Variants in TOM1L1 observed in about 807,000 individuals in gnomAD.
The protein encoded by TOM1L1 is target of myb1 like 1 membrane trafficking protein.
Under a neutral mutation model 63.4 loss-of-function variants are expected in TOM1L1, and 64 were observed. That is an observed-to-expected ratio of 1.01 (90% CI 0.83 to 1.24). TOM1L1 has a LOEUF of 1.24. Among genes scored for constraint, TOM1L1 ranks in the 50% most tolerant of loss-of-function variants. TOM1L1 has a pLI of 0.00. For synonymous variants in TOM1L1, 166 were observed against 194.4 expected (o/e 0.85, Z 1.22); for missense variants, 536 against 567.0 (o/e 0.95, Z 0.55).
At chr17:54,950,817 T>A in intron 14 of TOM1L1, among the ~76,000 whole-genome samples, 1 of 152,218 alleles carries the variant, frequency 6.6e-6, no homozygotes, top group East Asian at 1.9e-4. Flanking sequence ...ATTTAAAAAA[T>A]TAATTGCTGG....
intron 3 of TOM1L1, chr17:54,906,722 A>C (rs2048417470): frequency 1.0e-6 from 1 of 976,472 alleles, no homozygotes; most frequent in African/African-American, 1.8e-5. Flanking sequence ...TTAAGTGTGG[A>C]CTCTTATTTG....
intron 11 of TOM1L1, among the ~76,000 whole-genome samples, chr17:54,940,159 G>A (rs1363688710): frequency 6.6e-6 from 1 of 152,126 alleles, no homozygotes; most frequent in Non-Finnish European, 1.5e-5. Flanking sequence ...GCCTCCCAAA[G>A]TGCTAGGATT....
intron 6 of TOM1L1, among the ~76,000 whole-genome samples, chr17:54,915,442 C>T (rs561314366): frequency 1.3e-5 from 2 of 152,214 alleles, no homozygotes; most frequent in South Asian, 4.1e-4. Context: ...CCTTCTTCTG[C>T]TAGGTACCTG....
chr17:54,958,428 C>T (rs1377996722), intron 14 of TOM1L1: 2 of 152,088 alleles, frequency 1.3e-5, no homozygotes. Flanking sequence ...AAATATGAAG[C>T]AGTGATGAAA....
At chr17:54,904,715 C>T (rs1227781562) in intron 2 of TOM1L1, among the ~76,000 whole-genome samples, 1 of 152,180 alleles carries the variant, frequency 6.6e-6, no homozygotes, top group Admixed American at 6.5e-5. Flanking sequence ...AACTGGTTTG[C>T]TTGTAGTCAA....
intron 14 of TOM1L1, 37 bp from the exon 15 acceptor site, chr17:54,960,529 G>A: frequency 1.9e-6 from 3 of 1,571,682 alleles, no homozygotes; most frequent in Non-Finnish European, 2.6e-6. Flanking sequence ...CTTTGAAATT[G>A]ATACATAACC....
chr17:54,948,609 C>T (rs2049159184), intron 12 of TOM1L1, among the ~76,000 whole-genome samples: 1 of 152,214 alleles, frequency 6.6e-6, no homozygotes, highest in Admixed American at 6.5e-5. Flanking sequence ...CTCTCTCCCA[C>T]CCACTACTCT....
At chr17:54,930,425 C>T (rs937901238) in intron 8 of TOM1L1, 21 of 500,528 alleles carry the variant, frequency 4.2e-5, no homozygotes, top group African/African-American at 3.7e-4. Context: ...GACATTTCAG[C>T]CCAGCATGGT....
chr17:54,955,473 C>T (rs1284628812), intron 14 of TOM1L1, among the ~76,000 whole-genome samples: 1 of 152,338 alleles, frequency 6.6e-6, no homozygotes, highest in East Asian at 1.9e-4. Flanking sequence ...AAACTAACAG[C>T]AGTCCTTCTG....
At chr17:54,907,938 A>G (rs1332964779) in intron 3 of TOM1L1, among the ~76,000 whole-genome samples, 1 of 152,116 alleles carries the variant, frequency 6.6e-6, no homozygotes, top group Non-Finnish European at 1.5e-5. Context: ...ATCTTCTTCC[A>G]TCATGGTTCC....
At position 54,937,146 on chromosome 17, in the gene TOM1L1, T is replaced by TCGAC. The variant is rs754857788; in HGVS notation, c.955_958dup (p.Leu320ArgfsTer10). The TCGAC allele has an allele frequency of 1.9e-6, 3 of 1,613,246 alleles. No individual in the cohort carries two copies. Among genetic ancestry groups the TCGAC allele is most frequent in the Non-Finnish European group, 2.5e-6 (3 of 1,179,792 alleles). ...CCTTCTGCCCCATCTCAAGATCTCC[T>TCGAC]CGACCTAAGTCCCAGTCCCCGGATG... On this transcript the variant is annotated frameshift_variant, in exon 10 of 16. Coordinates refer to ENST00000575882, the MANE Select transcript of TOM1L1 (RefSeq NM_005486.3). LOFTEE classifies it high-confidence loss of function.
intron 1 of TOM1L1, among the ~76,000 whole-genome samples, chr17:54,902,877 C>T (rs2048350468): frequency 6.6e-6 from 1 of 152,182 alleles, no homozygotes; most frequent in African/African-American, 2.4e-5. Flanking sequence ...CAGAAGCATT[C>T]TGGTCAGCCT....
At chr17:54,942,188 C>G (rs2049041933) in intron 11 of TOM1L1, 1 of 152,048 alleles carries the variant, frequency 6.6e-6, no homozygotes, top group Non-Finnish European at 1.5e-5. Context: ...CCTCCACCTT[C>G]CAGGTTCAAG....
At chr17:54,905,081 C>T (rs2048388600) in intron 2 of TOM1L1, among the ~76,000 whole-genome samples, 1 of 152,128 alleles carries the variant, frequency 6.6e-6, no homozygotes, top group Non-Finnish European at 1.5e-5. Context: ...GTTGTAATTC[C>T]TGTTACATCC....
At chr17:54,902,135 G>C (rs950377121) in intron 1 of TOM1L1, among the ~76,000 whole-genome samples, 1 of 152,156 alleles carries the variant, frequency 6.6e-6, no homozygotes, top group Non-Finnish European at 1.5e-5. Flanking sequence ...GTTTTGTGTG[G>C]CACCTTTGCA....
chr17:54,927,118 T>G (rs1301040621), intron 7 of TOM1L1, among the ~76,000 whole-genome samples: 1 of 152,230 alleles, frequency 6.6e-6, no homozygotes, highest in East Asian at 1.9e-4. Flanking sequence ...GGAAAGAGAC[T>G]ATATGAGCAA....
At chr17:54,939,440 A>G (rs1179902000) in intron 11 of TOM1L1, among the ~76,000 whole-genome samples, 2 of 152,218 alleles carry the variant, frequency 1.3e-5, no homozygotes, top group African/African-American at 4.8e-5. Context: ...CAAAGGAGGC[A>G]GAAGAGCAAT....
chr17:54,935,451 T>C (rs912385132), intron 8 of TOM1L1, among the ~76,000 whole-genome samples: 3 of 152,188 alleles, frequency 2.0e-5, no homozygotes, highest in Non-Finnish European at 4.4e-5. Context: ...GTATAAACTC[T>C]TACACTTTAA....
chr17:54,956,619 TTTC>T (rs980984512), intron 14 of TOM1L1: 4 of 152,020 alleles, frequency 2.6e-5, no homozygotes, highest in Admixed American at 6.6e-5. Context: ...TTTTAATTTT[TTTC>T]TTTTTTATAG....
Sources: gnomAD v4.1 joint callset for allele counts (sites outside exome capture counted in the v4.1 genomes callset) on GRCh38, gnomAD v4.1.1 for gene constraint, MANE v1.5 for transcripts, NCBI Gene and HGNC (gene_info 2026-07-23, HGNC 2026-07-21) for gene names.